The following SPOCK3 variants were observed in gnomAD, a reference collection of about 807,000 sequenced individuals.
SPOCK3 encodes SPARC (osteonectin), cwcv and kazal like domains proteoglycan 3, also known as testican-3.
SPOCK3 carries 30 observed loss-of-function variants against 56.6 expected under a neutral mutation model. The ratio of observed to expected loss-of-function variants is 0.53; its 90% CI spans 0.40 to 0.72. The LOEUF (loss-of-function observed/expected upper bound fraction) is 0.72. Ranked by LOEUF, SPOCK3 falls within the 30% of genes least tolerant of loss-of-function variation. SPOCK3 has a pLI of 0.00. For synonymous variants in SPOCK3, 196 were observed against 183.3 expected, an observed-to-expected ratio of 1.07 and a Z score of -0.56; for missense variants, 527 against 530.0, an observed-to-expected ratio of 0.99 and a Z score of 0.06.
intron 6 of SPOCK3, among the ~76,000 whole-genome samples, chr4:166,815,412 T>C (rs1463542975): frequency 6.6e-6 from 1 of 152,128 alleles, no homozygotes; most frequent in East Asian, 1.9e-4. Context: ...GATGTGATTA[T>C]AAAATTCTGA....
intron 4 of SPOCK3, among the ~76,000 whole-genome samples, chr4:166,980,886 C>T (rs1203751157): frequency 6.6e-6 from 1 of 152,188 alleles, no homozygotes. Flanking sequence ...CAGCTCTTCT[C>T]TCCTTCCTGT....
chr4:167,046,548 G>A (rs930239598), intron 3 of SPOCK3, among the ~76,000 whole-genome samples: 7 of 144,312 alleles, frequency 4.9e-5, no homozygotes, highest in African/African-American at 1.0e-4. Context: ...CTCTGCCACC[G>A]GGGTTCAAGT....
intron 5 of SPOCK3, among the ~76,000 whole-genome samples, chr4:166,896,515 A>AG (rs1735400159): frequency 6.6e-6 from 1 of 152,084 alleles, no homozygotes; most frequent in South Asian, 2.1e-4. Flanking sequence ...TGAAACAGGA[A>AG]GAGATACTCC....
chr4:166,955,637 T>C (rs1579794578), intron 4 of SPOCK3, among the ~76,000 whole-genome samples: 3 of 146,524 alleles, frequency 2.0e-5, no homozygotes, highest in Non-Finnish European at 4.5e-5. Context: ...TTTAATTATA[T>C]TAAATTTAAT....
intron 6 of SPOCK3, among the ~76,000 whole-genome samples, chr4:166,839,357 T>C (rs1255903578): frequency 6.6e-6 from 1 of 152,068 alleles, no homozygotes; most frequent in Non-Finnish European, 1.5e-5. Context: ...TAAAATTACC[T>C]CCACTGACAA....
intron 2 of SPOCK3, among the ~76,000 whole-genome samples, chr4:167,113,807 T>A (rs1761111356): frequency 6.6e-6 from 1 of 152,026 alleles, no homozygotes; most frequent in African/African-American, 2.4e-5. Context: ...GAAGAGTATC[T>A]TTTTCCATGA....
rs1206161961 is a variant in SPOCK3 at position 166,894,769 on chromosome 4, C to A, written c.475-5525G>T. Among the ~76,000 whole-genome samples the A allele has an allele frequency of 3.3e-5, 5 of 152,260 alleles. No homozygotes were observed. In the East Asian group the frequency reaches 7.7e-4, roughly 23 times the overall value. On this transcript the variant is annotated intron_variant, in intron 5 of 10. Coordinates refer to ENST00000357545, the MANE Select transcript of SPOCK3 (RefSeq NM_001040159.2). Reference sequence around the variant, plus strand: ...TAACCCTTACCTTACTAAACCCATTCTCTCAGATGTACTATATCCTCTGGA... The same window carrying A: ...TAACCCTTACCTTACTAAACCCATTATCTCAGATGTACTATATCCTCTGGA...
At chr4:167,053,260 T>G (rs77588362) in intron 3 of SPOCK3, among the ~76,000 whole-genome samples, 9,699 of 152,102 alleles carry the variant, frequency 0.064, 443 homozygotes, top group Middle Eastern at 0.1. Flanking sequence ...ACCCTCTAAT[T>G]CTTGCCAGAA....
chr4:167,198,470 T>C (rs572852488), intron 2 of SPOCK3, among the ~76,000 whole-genome samples: 1 of 152,270 alleles, frequency 6.6e-6, no homozygotes, highest in East Asian at 1.9e-4. Context: ...TACGCAAATA[T>C]GCCCACACAT....
chr4:167,158,699 A>G (rs1381790111), intron 2 of SPOCK3, among the ~76,000 whole-genome samples: 2 of 152,030 alleles, frequency 1.3e-5, no homozygotes, highest in African/African-American at 2.4e-5. Flanking sequence ...AACTCTATTT[A>G]CTTGAAATAG....
chr4:166,739,208 C>T (rs1345278299), intron 9 of SPOCK3, among the ~76,000 whole-genome samples: 1 of 152,066 alleles, frequency 6.6e-6, no homozygotes, highest in Non-Finnish European at 1.5e-5. Flanking sequence ...GTTTGCATTT[C>T]TCTGATGGCC....
chr4:166,824,799 T>C (rs929098666), intron 6 of SPOCK3, among the ~76,000 whole-genome samples: 3 of 152,110 alleles, frequency 2.0e-5, no homozygotes, highest in Admixed American at 6.6e-5. Flanking sequence ...ATACATACTA[T>C]GAGAGATCAT....
chr4:166,834,461 A>C (rs1196321532), intron 6 of SPOCK3, among the ~76,000 whole-genome samples: 2 of 152,162 alleles, frequency 1.3e-5, no homozygotes, highest in African/African-American at 4.8e-5. Context: ...GAAGATTAAA[A>C]ATTTTTAGAG....
chr4:167,083,057 C>A (rs1472584953), intron 2 of SPOCK3, among the ~76,000 whole-genome samples: 1 of 152,024 alleles, frequency 6.6e-6, no homozygotes, highest in Non-Finnish European at 1.5e-5. Context: ...TTTCAGACAA[C>A]GTCGTTGTAA....
chr4:166,795,849 C>A (rs1741878264), intron 6 of SPOCK3, among the ~76,000 whole-genome samples: 1 of 152,074 alleles, frequency 6.6e-6, no homozygotes, highest in African/African-American at 2.4e-5. Context: ...TCCCCTCATT[C>A]CCACACACTG....
intron 4 of SPOCK3, among the ~76,000 whole-genome samples, chr4:166,917,315 A>G (rs372143863): frequency 1.3e-5 from 2 of 152,140 alleles, no homozygotes; most frequent in Admixed American, 6.6e-5. Flanking sequence ...CAAGCAGAAT[A>G]AAATGCCAAT....
At chr4:166,972,685 A>T (rs1025041884) in intron 4 of SPOCK3, among the ~76,000 whole-genome samples, 1 of 152,088 alleles carries the variant, frequency 6.6e-6, no homozygotes, top group Non-Finnish European at 1.5e-5. Flanking sequence ...ATTTTAAAGC[A>T]AGCACATGCT....
intron 7 of SPOCK3, among the ~76,000 whole-genome samples, chr4:166,764,281 GCGGCACC>G (rs1560829403): frequency 3.3e-5 from 5 of 151,984 alleles, no homozygotes; most frequent in African/African-American, 1.2e-4. Flanking sequence ...ATGTTGGTGT[GCGGCACC>G]CATTAACTCG....
intron 2 of SPOCK3, among the ~76,000 whole-genome samples, chr4:167,086,871 A>G (rs749630011): frequency 1.4e-4 from 22 of 152,070 alleles, no homozygotes; most frequent in Non-Finnish European, 2.8e-4. Context: ...AATTAATGAG[A>G]TTACAAATTT....
Sources: gnomAD v4.1 joint callset for allele counts (sites outside exome capture counted in the v4.1 genomes callset) on GRCh38, gnomAD v4.1.1 for gene constraint, MANE v1.5 for transcripts, NCBI Gene and HGNC (gene_info 2026-07-23, HGNC 2026-07-21) for gene names.